The following KPNA5 variants were observed in gnomAD, a reference collection of about 807,000 sequenced individuals.
The protein encoded by KPNA5 is karyopherin subunit alpha 5.
A neutral mutation model predicts 71.3 loss-of-function variants in KPNA5; 46 were observed. The observed-to-expected ratio is 0.65, with a 90% CI of 0.51 to 0.83. The LOEUF is 0.83. Among genes scored for constraint, KPNA5 ranks in the 40% least tolerant of loss-of-function variants. The pLI is 0.00. For missense variants in KPNA5, 547 were observed against 628.3 expected, an observed-to-expected ratio of 0.87 and a Z score of 1.38; for synonymous variants, 207 against 201.4, an observed-to-expected ratio of 1.03 and a Z score of -0.24.
At chr6:116,717,208 C>T (rs1191273054) in intron 8 of KPNA5, among the ~76,000 whole-genome samples, 1 of 152,034 alleles carries the variant, frequency 6.6e-6, no homozygotes, top group East Asian at 1.9e-4. Flanking sequence ...TGTTTTTGTA[C>T]CTTTAGTGCA....
intron 8 of KPNA5, among the ~76,000 whole-genome samples, chr6:116,720,323 C>G (rs1361281152): frequency 6.6e-6 from 1 of 152,078 alleles, no homozygotes; most frequent in African/African-American, 2.4e-5. Context: ...TTTCTTTATT[C>G]ACTTTTGTCT....
At chr6:116,728,798 G>C (rs1779372501) in intron 12 of KPNA5, among the ~76,000 whole-genome samples, 1 of 152,024 alleles carries the variant, frequency 6.6e-6, no homozygotes, top group Non-Finnish European at 1.5e-5. Context: ...CTAATAAGGG[G>C]TGGAATTGGG....
At chr6:116,722,361 G>T (rs1238059597) in intron 9 of KPNA5, 72 bp downstream of exon 9, 1 of 1,178,676 alleles carries the variant, frequency 8.5e-7, no homozygotes, top group Non-Finnish European at 1.2e-6. Context: ...TAATAGCTTT[G>T]TAAATATCTC....
chr6:116,691,147 T>A (rs1481477852), intron 2 of KPNA5, among the ~76,000 whole-genome samples: 1 of 152,226 alleles, frequency 6.6e-6, no homozygotes, highest in Non-Finnish European at 1.5e-5. Context: ...GAGGATCGCT[T>A]GAACCCAGGA....
rs1258895067 is a variant in KPNA5 at position 116,740,672 on chromosome 6, T to C, written c.*8349T>C. On this transcript the variant is annotated 3_prime_UTR_variant, in exon 14 of 14. Transcript: ENST00000368564. ...TGGAATACTATGCAGCCATAAAAAA[T>C]GATGAGTTCATGTCCTTTGTAGGGA... is the stretch of plus-strand genomic sequence containing the variant. 1 of 152,008 alleles carries C rather than the reference T, an allele frequency of 6.6e-6. No homozygotes were observed. The highest frequency in any genetic ancestry group is 2.4e-5 in the African/African-American group (1 of 41,388). The allele number at this position is 152,008 out of a possible 1,614,324, so 9.4% of individuals were successfully genotyped here.
chr6:116,724,723 C>T (rs1040063766), intron 10 of KPNA5, among the ~76,000 whole-genome samples: 6 of 152,180 alleles, frequency 3.9e-5, no homozygotes, highest in Admixed American at 3.9e-4. Flanking sequence ...GTCCTCCCGC[C>T]TCAGCCTTCC....
intron 4 of KPNA5, among the ~76,000 whole-genome samples, chr6:116,694,892 C>G (rs1288789550): frequency 6.6e-6 from 1 of 151,990 alleles, no homozygotes. Flanking sequence ...TTAATTTATG[C>G]TCCCATCTTC....
At chr6:116,718,742 C>T (rs1299729092) in intron 8 of KPNA5, among the ~76,000 whole-genome samples, 4 of 151,558 alleles carry the variant, frequency 2.6e-5, no homozygotes, top group Admixed American at 6.6e-5. Context: ...GTTTTTTAAT[C>T]ATTCACTTTT....
chr6:116,698,067 C>T (rs1399791716), intron 4 of KPNA5, among the ~76,000 whole-genome samples: 2 of 151,848 alleles, frequency 1.3e-5, no homozygotes, highest in Non-Finnish European at 1.5e-5. Flanking sequence ...ACTGAAGAAC[C>T]GTAGAGGGTA....
At chr6:116,718,955 C>T (rs9481665) in intron 8 of KPNA5, among the ~76,000 whole-genome samples, 2,503 of 151,972 alleles carry the variant, frequency 0.016, 76 homozygotes, top group African/African-American at 0.056. Flanking sequence ...TTATTAGAGA[C>T]GGAGTTTCAC....
At position 116,724,318 on chromosome 6, in the gene KPNA5, A is replaced by G; in HGVS notation, c.942A>G (p.Val314=). 1.2e-6 allele frequency: 2 copies of G among 1,609,190 alleles called. No homozygotes were observed. Among genetic ancestry groups the G allele is most frequent in the Non-Finnish European group, 1.7e-6 (2 of 1,176,026 alleles). Reference sequence around the variant, plus strand: ...TTAGGCACAATGATTATAAAGTTGTATCACCTGCATTAAGGGCAGTTGGTA... The same window carrying G: ...TTAGGCACAATGATTATAAAGTTGTGTCACCTGCATTAAGGGCAGTTGGTA... ...ELLMHNDYKV[V]SPALRAVGNI... The change falls in exon 10 of 14, where the codon GTA becomes GTG. Residue 314 remains valine (V), a synonymous_variant. Coordinates refer to ENST00000368564, the MANE Select transcript of KPNA5 (RefSeq NM_001366306.2).
At chr6:116,701,311 C>T (rs1210252703) in intron 5 of KPNA5, among the ~76,000 whole-genome samples, 1 of 151,896 alleles carries the variant, frequency 6.6e-6, no homozygotes, top group Non-Finnish European at 1.5e-5. Flanking sequence ...GCTTAGTTTG[C>T]CTGTGGATTT....
intron 4 of KPNA5, among the ~76,000 whole-genome samples, chr6:116,696,170 C>G (rs1778020804): frequency 6.6e-6 from 1 of 152,176 alleles, no homozygotes; most frequent in Non-Finnish European, 1.5e-5. Context: ...TACTATCTTT[C>G]ACAGAGACAA....
At chr6:116,716,161 A>G in intron 7 of KPNA5, 58 bp from the exon 8 acceptor site, 1 of 1,272,480 alleles carries the variant, frequency 7.9e-7, no homozygotes, top group Non-Finnish European at 1.1e-6. Flanking sequence ...GTATTATGAT[A>G]GCTAAAGAGG....
chr6:116,694,690 T>C (rs2114388182), intron 4 of KPNA5, among the ~76,000 whole-genome samples: 1 of 152,280 alleles, frequency 6.6e-6, no homozygotes. Context: ...TTTTAAATGG[T>C]ATCATATCAT....
Position 116,682,035 on chromosome 6 carries a change from G to A in KPNA5, c.4+697G>A, listed in dbSNP as rs187079401. On this transcript the variant is annotated intron_variant, in intron 1 of 13. Coordinates refer to ENST00000368564, the MANE Select transcript of KPNA5 (RefSeq NM_001366306.2). ...TAATCCCAGCACTTTGGGAGGCGGA[G>A]GCGGGCGGATCACGAGGTCAGGAGA... Among the ~76,000 whole-genome samples, 97 of 152,288 alleles carry A rather than the reference G, an allele frequency of 6.4e-4. 1 individual carries two copies. The East Asian group carries it at 0.017, about 27-fold the overall frequency.
intron 5 of KPNA5, among the ~76,000 whole-genome samples, chr6:116,700,483 AACAC>A (rs1200670674): frequency 9.3e-4 from 135 of 145,506 alleles, no homozygotes; most frequent in African/African-American, 3.0e-3. Context: ...CAAACAAACA[AACAC>A]ACACACACTG....
At chr6:116,701,963 G>C in intron 5 of KPNA5, 56 bp from the exon 6 acceptor site, 1 of 1,543,908 alleles carries the variant, frequency 6.5e-7, no homozygotes, top group Non-Finnish European at 8.8e-7. Flanking sequence ...TTCCTTCTTT[G>C]CCTTTCTGAC....
rs1268393362 is a variant in KPNA5 at position 116,738,435 on chromosome 6, G to A, written c.*6112G>A. On this transcript the variant is annotated 3_prime_UTR_variant, in exon 14 of 14. Coordinates refer to ENST00000368564, the MANE Select transcript of KPNA5 (RefSeq NM_001366306.2). The stretch of plus-strand genomic sequence containing the variant: ...CTACCAGAGGTACAAGGAGGAACTG[G>A]TACCATTCCTTCTGAAACTATTCCA... The A allele has an allele frequency of 1.3e-5, 2 of 151,940 alleles. No homozygotes were observed. Among genetic ancestry groups the A allele is most frequent in the African/African-American group, 4.8e-5 (2 of 41,386 alleles). The allele number at this position is 151,940 out of a possible 1,614,324, so 9.4% of individuals were successfully genotyped here. A position where few individuals can be genotyped will look rare whatever the true frequency, so the allele number is the denominator to read the frequency against.
Sources: allele counts gnomAD v4.1 joint callset (sites outside exome capture counted in the v4.1 genomes callset), GRCh38; gene constraint gnomAD v4.1.1; transcripts MANE v1.5; gene names NCBI Gene and HGNC (gene_info 2026-07-23, HGNC 2026-07-21).